The following ARHGAP42 variants were observed in gnomAD, a reference collection of about 807,000 sequenced individuals.
The protein encoded by ARHGAP42 is rho GTPase-activating protein 42.
A neutral mutation model predicts 125.0 loss-of-function variants in ARHGAP42; 63 were observed. That is an observed-to-expected ratio of 0.50 (90% CI 0.41 to 0.62). The LOEUF (loss-of-function observed/expected upper bound fraction) is 0.62. Ranked by LOEUF, ARHGAP42 falls within the 20% of genes least tolerant of loss-of-function variation. The pLI is 0.00. For missense variants in ARHGAP42, 766 were observed against 1,024.2 expected (o/e 0.75, Z 3.44); for synonymous variants, 339 against 351.0 (o/e 0.97, Z 0.38).
chr11:100,918,091 CCTT>C (rs1867123823), intron 5 of ARHGAP42, among the ~76,000 whole-genome samples: 1 of 152,058 alleles, frequency 6.6e-6, no homozygotes, highest in Non-Finnish European at 1.5e-5. Context: ...TTGTCAGCCT[CCTT>C]CTTAAGTTTT....
At position 100,766,353 on chromosome 11, in the gene ARHGAP42, G is replaced by T. The variant is rs1160070514; in HGVS notation, c.155-3990G>T. Among the ~76,000 whole-genome samples, 3 of 152,004 alleles carry T rather than the reference G, an allele frequency of 2.0e-5. No individual in the cohort carries two copies. In the East Asian group the frequency reaches 5.8e-4, roughly 29 times the overall value. On this transcript the variant is annotated intron_variant, in intron 1 of 23. Coordinates refer to ENST00000298815, the MANE Select transcript of ARHGAP42 (RefSeq NM_152432.4). ...CCTGTCTAAACTAGATTCTTAGATG[G>T]CATGGGATCTTTCATTTTATATTTA...
chr11:100,718,217 T>C (rs2120261185), intron 1 of ARHGAP42, among the ~76,000 whole-genome samples: 2 of 152,298 alleles, frequency 1.3e-5, no homozygotes. Flanking sequence ...ACAGTGTTTG[T>C]GGCATGAGAC....
chr11:100,912,143 T>C (rs955412727), intron 4 of ARHGAP42, among the ~76,000 whole-genome samples: 9 of 152,120 alleles, frequency 5.9e-5, no homozygotes, highest in Non-Finnish European at 1.0e-4. Flanking sequence ...ATTTCCTAGA[T>C]AGATAAACCT....
chr11:100,751,959 T>G (rs1365414502), intron 1 of ARHGAP42, among the ~76,000 whole-genome samples: 1 of 151,826 alleles, frequency 6.6e-6, no homozygotes, highest in Non-Finnish European at 1.5e-5. Flanking sequence ...TTGGTATTTT[T>G]AATAGAGATG....
intron 4 of ARHGAP42, among the ~76,000 whole-genome samples, chr11:100,900,243 C>T (rs1183740933): frequency 6.6e-6 from 1 of 152,226 alleles, no homozygotes; most frequent in East Asian, 1.9e-4. Flanking sequence ...CCCCCACTCT[C>T]TTCTAGCTTG....
intron 6 of ARHGAP42, among the ~76,000 whole-genome samples, chr11:100,930,645 A>G (rs1369957973): frequency 1.3e-5 from 2 of 152,214 alleles, no homozygotes; most frequent in Non-Finnish European, 2.9e-5. Flanking sequence ...TGCTGAGGAT[A>G]TAGAATAATA....
intron 1 of ARHGAP42, among the ~76,000 whole-genome samples, chr11:100,703,788 C>T (rs1211594626): frequency 6.6e-6 from 1 of 152,118 alleles, no homozygotes; most frequent in Non-Finnish European, 1.5e-5. Flanking sequence ...AAATGATGAT[C>T]ACAATTTGCA....
intron 1 of ARHGAP42, among the ~76,000 whole-genome samples, chr11:100,688,681 C>T (rs1228588172): frequency 6.6e-6 from 1 of 152,102 alleles, no homozygotes; most frequent in Non-Finnish European, 1.5e-5. Flanking sequence ...CATGATATGG[C>T]TTGTTACCTT....
chr11:100,942,340 A>C (rs1463948516), intron 9 of ARHGAP42, among the ~76,000 whole-genome samples: 2 of 152,182 alleles, frequency 1.3e-5, no homozygotes, highest in Non-Finnish European at 2.9e-5. Flanking sequence ...GCTGGCTAAC[A>C]AGCTTTCTCA....
intron 23 of ARHGAP42, among the ~76,000 whole-genome samples, chr11:100,987,843 A>AAATAAATG (rs879298050): frequency 6.8e-6 from 1 of 146,420 alleles, no homozygotes; most frequent in Non-Finnish European, 1.5e-5. Context: ...ATAAATAAAT[A>AAATAAATG]AATAGGCCAG....
chr11:100,814,620 A>G (rs925413357), intron 3 of ARHGAP42, among the ~76,000 whole-genome samples: 2 of 152,312 alleles, frequency 1.3e-5, no homozygotes, highest in East Asian at 3.9e-4. Context: ...ACTTACAGTC[A>G]TGGCGGAAGT....
At chr11:100,912,112 G>C (rs1203873923) in intron 4 of ARHGAP42, among the ~76,000 whole-genome samples, 1 of 152,044 alleles carries the variant, frequency 6.6e-6, no homozygotes, top group Admixed American at 6.5e-5. Context: ...AAACTTAAGA[G>C]TGCCAATGGA....
chr11:100,857,740 C>T (rs1865354324), intron 3 of ARHGAP42, among the ~76,000 whole-genome samples: 1 of 152,070 alleles, frequency 6.6e-6, no homozygotes, highest in Admixed American at 6.6e-5. Context: ...CTCTCTTTCT[C>T]CCTCTACGCA....
intron 3 of ARHGAP42, among the ~76,000 whole-genome samples, chr11:100,829,079 G>T (rs1338326202): frequency 6.6e-6 from 1 of 152,152 alleles, no homozygotes; most frequent in Non-Finnish European, 1.5e-5. Context: ...AGGCTCCTTT[G>T]CTCTCCTTTC....
At chr11:100,762,932 C>CG (rs1862740777) in intron 1 of ARHGAP42, among the ~76,000 whole-genome samples, 1 of 143,768 alleles carries the variant, frequency 7.0e-6, no homozygotes, top group Non-Finnish European at 1.5e-5. Flanking sequence ...TATTTGTGTG[C>CG]ATTTTTAGTA....
intron 3 of ARHGAP42, among the ~76,000 whole-genome samples, chr11:100,813,008 T>G (rs1408629560): frequency 1.3e-5 from 2 of 152,170 alleles, no homozygotes; most frequent in Non-Finnish European, 2.9e-5. Flanking sequence ...TTTCATTACT[T>G]AAAAGACAAT....
intron 2 of ARHGAP42, among the ~76,000 whole-genome samples, chr11:100,790,970 T>G (rs1339139501): frequency 6.6e-6 from 1 of 152,242 alleles, no homozygotes; most frequent in Non-Finnish European, 1.5e-5. Flanking sequence ...TGCATGTAAC[T>G]TCCAGATTTT....
At chr11:100,817,692 C>T (rs1227703562) in intron 3 of ARHGAP42, among the ~76,000 whole-genome samples, 1 of 152,186 alleles carries the variant, frequency 6.6e-6, no homozygotes, top group African/African-American at 2.4e-5. Flanking sequence ...ATTTAATCCT[C>T]AGAGCCACTG....
intron 2 of ARHGAP42, among the ~76,000 whole-genome samples, chr11:100,779,967 A>G (rs1029461861): frequency 4.0e-5 from 6 of 151,842 alleles, no homozygotes; most frequent in African/African-American, 1.5e-4. Context: ...CAGAGGTTGC[A>G]GTGATCCAAG....
Sources: allele counts gnomAD v4.1 joint callset (sites outside exome capture counted in the v4.1 genomes callset), GRCh38; gene constraint gnomAD v4.1.1; transcripts MANE v1.5; gene names NCBI Gene and HGNC (gene_info 2026-07-23, HGNC 2026-07-21).